PCDH7: variants seen among roughly 807,000 people sequenced by gnomAD.
PCDH7 encodes protocadherin-7.
PCDH7 carries 17 observed loss-of-function variants against 58.9 expected under a neutral mutation model. The ratio of observed to expected loss-of-function variants is 0.29; its 90% confidence interval spans 0.20 to 0.43. PCDH7 has a LOEUF of 0.43. Among genes scored for constraint, PCDH7 ranks in the 20% least tolerant of loss-of-function variants. PCDH7 has a pLI of 1.00. For missense variants in PCDH7, 1,274 were observed against 1,441.0 expected (o/e 0.88, Z 1.88); for synonymous variants, 664 against 616.4 (o/e 1.08, Z -1.14).
intron 3 of PCDH7, among the ~76,000 whole-genome samples, chr4:31,015,460 C>G (rs954329276): frequency 2.0e-5 from 3 of 152,148 alleles, no homozygotes; most frequent in African/African-American, 7.2e-5. Flanking sequence ...CCATGGAACA[C>G]TTTGTCCCTA....
chr4:30,800,835 A>G (rs1252878947), intron 1 of PCDH7, among the ~76,000 whole-genome samples: 1 of 152,232 alleles, frequency 6.6e-6, no homozygotes, highest in Non-Finnish European at 1.5e-5. Flanking sequence ...TGGAAAGAGA[A>G]ACTGGACTTA....
At chr4:30,725,906 G>A (rs376165579) in intron 1 of PCDH7, among the ~76,000 whole-genome samples, 13 of 152,008 alleles carry the variant, frequency 8.6e-5, no homozygotes, top group South Asian at 2.1e-4. Context: ...GTACTTTACT[G>A]TAGCTATTCA....
intron 1 of PCDH7, among the ~76,000 whole-genome samples, chr4:30,775,547 T>C (rs1721947030): frequency 6.6e-6 from 1 of 152,176 alleles, no homozygotes; most frequent in South Asian, 2.1e-4. Flanking sequence ...TTTCATACAA[T>C]TGATTCTTGT....
chr4:30,961,244 A>G (rs1748390821), intron 3 of PCDH7, among the ~76,000 whole-genome samples: 1 of 152,042 alleles, frequency 6.6e-6, no homozygotes. Context: ...TTATAAAAAT[A>G]TGTTATAAAA....
intron 3 of PCDH7, among the ~76,000 whole-genome samples, chr4:31,031,034 A>G (rs566105115): frequency 7.2e-5 from 11 of 152,298 alleles, no homozygotes; most frequent in South Asian, 2.1e-4. Context: ...GATCTGCACA[A>G]AAGTACGTGT....
At chr4:30,826,187 T>G (rs1468518659) in intron 1 of PCDH7, among the ~76,000 whole-genome samples, 1 of 152,194 alleles carries the variant, frequency 6.6e-6, no homozygotes, top group East Asian at 1.9e-4. Context: ...CTACTGCTTA[T>G]TTATTTCAAG....
rs941605011 is a variant in PCDH7, at chr4:31,123,166, C to CA, written c.*8-19300dup. ...TGTATTTGGTACTATAAATTTATAACAAAAAAACATGAATCTCTAATCTTT... is the reference window on the plus strand; with the variant it reads ...TGTATTTGGTACTATAAATTTATAACAAAAAAAACATGAATCTCTAATCTTT... On this transcript the variant is annotated intron_variant, in intron 3 of 3. Transcript: ENST00000509759. 6.6e-5 allele frequency among the ~76,000 whole-genome samples: 10 copies of CA among 151,678 alleles called. No homozygotes were observed. The South Asian group carries it at 1.2e-3, about 19-fold the overall frequency.
intron 3 of PCDH7, among the ~76,000 whole-genome samples, chr4:31,138,681 T>C (rs568224317): frequency 1.4e-4 from 22 of 152,256 alleles, no homozygotes; most frequent in African/African-American, 5.3e-4. Flanking sequence ...GTTCTAAGAT[T>C]GTTTGCTAGT....
chr4:30,917,102 AAT>A (rs1310643457), intron 1 of PCDH7, among the ~76,000 whole-genome samples: 2 of 152,172 alleles, frequency 1.3e-5, no homozygotes, highest in Non-Finnish European at 2.9e-5. Context: ...ATCTTTCTGG[AAT>A]ATATAAATAA....
intron 3 of PCDH7, among the ~76,000 whole-genome samples, chr4:31,089,700 C>T (rs1469422756): frequency 6.6e-6 from 1 of 151,946 alleles, no homozygotes; most frequent in Non-Finnish European, 1.5e-5. Flanking sequence ...TATAAAAGCT[C>T]CCTGTAACAA....
At chr4:30,941,879 G>A (rs73214947) in intron 2 of PCDH7, among the ~76,000 whole-genome samples, 13,806 of 151,862 alleles carry the variant, frequency 0.091, 757 homozygotes, top group Non-Finnish European at 0.12. Context: ...GTATTTACAA[G>A]GTCAGGATGT....
intron 1 of PCDH7, among the ~76,000 whole-genome samples, chr4:30,761,257 C>T: frequency 6.6e-6 from 1 of 152,174 alleles, no homozygotes; most frequent in Admixed American, 6.5e-5. Flanking sequence ...CGCAGCTCTC[C>T]TCTGCTTATC....
intron 1 of PCDH7, among the ~76,000 whole-genome samples, chr4:30,857,222 A>G (rs1733584529): frequency 6.6e-6 from 1 of 152,062 alleles, no homozygotes; most frequent in African/African-American, 2.4e-5. Flanking sequence ...TAATAGGCAT[A>G]TTTTAGAAAC....
intron 1 of PCDH7, among the ~76,000 whole-genome samples, chr4:30,910,116 T>C (rs1185533610): frequency 6.6e-6 from 1 of 152,158 alleles, no homozygotes; most frequent in Non-Finnish European, 1.5e-5. Context: ...GAAAACTGGC[T>C]AGCCATATGC....
intron 1 of PCDH7, among the ~76,000 whole-genome samples, chr4:30,777,525 T>A (rs1722234045): frequency 6.6e-6 from 1 of 152,158 alleles, no homozygotes; most frequent in African/African-American, 2.4e-5. Flanking sequence ...TCACACTGTA[T>A]GGGAGTCACT....
intron 3 of PCDH7, among the ~76,000 whole-genome samples, chr4:31,010,710 A>G (rs1294026273): frequency 1.3e-5 from 2 of 151,990 alleles, no homozygotes; most frequent in Non-Finnish European, 2.9e-5. Flanking sequence ...CTCTTGTCAC[A>G]TGCTTTAAAT....
chr4:30,985,249 G>C (rs1750873268), intron 3 of PCDH7, among the ~76,000 whole-genome samples: 2 of 152,162 alleles, frequency 1.3e-5, no homozygotes, highest in African/African-American at 4.8e-5. Flanking sequence ...GAGCCACCAT[G>C]CTCGGCCCTT....
chr4:31,087,258 C>A (rs139301155), intron 3 of PCDH7, among the ~76,000 whole-genome samples: 1 of 152,028 alleles, frequency 6.6e-6, no homozygotes, highest in African/African-American at 2.4e-5. Flanking sequence ...GTGGTGTCTG[C>A]ACCTTTTTTT....
chr4:30,871,048 G>C (rs1004166492), intron 1 of PCDH7, among the ~76,000 whole-genome samples: 2 of 152,080 alleles, frequency 1.3e-5, no homozygotes, highest in East Asian at 3.9e-4. Flanking sequence ...TTTGGATTAA[G>C]GTGCTTGTGA....
Sources: gnomAD v4.1 joint callset for allele counts (sites outside exome capture counted in the v4.1 genomes callset) on GRCh38, gnomAD v4.1.1 for gene constraint, MANE v1.5 for transcripts, NCBI Gene and HGNC (gene_info 2026-07-23, HGNC 2026-07-21) for gene names.